BLK: variants seen among roughly 807,000 people sequenced by gnomAD.
BLK encodes the protein tyrosine-protein kinase Blk.
A neutral mutation model predicts 61.8 loss-of-function variants in BLK; 64 were observed. That is an observed-to-expected ratio of 1.03 (90% confidence interval 0.85 to 1.27). The LOEUF (loss-of-function observed/expected upper bound fraction) is 1.27, where lower values mean the gene tolerates loss of function less well. BLK is among the 50% of genes most tolerant of loss of function. The pLI is 0.00. For synonymous variants in BLK, 351 were observed against 272.0 expected (o/e 1.29, Z -2.86); for missense variants, 853 against 660.5 (o/e 1.29, Z -3.19).
chr8:11,501,876 T>A (rs140655088), intron 1 of BLK, among the ~76,000 whole-genome samples: 3 of 152,344 alleles, frequency 2.0e-5, no homozygotes, highest in Non-Finnish European at 4.4e-5. Context: ...GGGTAGTAGT[T>A]TTTCAATATT....
chr8:11,545,914 G>T, intron 2 of BLK, 138 bp from the exon 3 acceptor site: 1 of 890,982 alleles, frequency 1.1e-6, no homozygotes. Flanking sequence ...TCCCTGAGCA[G>T]CCCCCACAGG....
At chr8:11,535,895 A>G (rs1800114585) in intron 1 of BLK, among the ~76,000 whole-genome samples, 1 of 152,194 alleles carries the variant, frequency 6.6e-6, no homozygotes, top group Admixed American at 6.5e-5. Flanking sequence ...AGGACGCAAA[A>G]TCCAAAATGG....
intron 1 of BLK, among the ~76,000 whole-genome samples, chr8:11,516,889 G>C (rs951030580): frequency 2.0e-5 from 3 of 152,194 alleles, no homozygotes; most frequent in Non-Finnish European, 1.5e-5. Context: ...GGACACAAGT[G>C]TACAAATACC....
intron 12 of BLK, 64 bp from the exon 13 acceptor site, chr8:11,563,839 C>A: frequency 6.7e-7 from 1 of 1,493,294 alleles, no homozygotes. Context: ...GCGGGACGCT[C>A]AGGGCCCCCC....
intron 6 of BLK, among the ~76,000 whole-genome samples, chr8:11,551,427 T>C (rs1800898223): frequency 6.6e-6 from 1 of 152,192 alleles, no homozygotes; most frequent in African/African-American, 2.4e-5. Flanking sequence ...CACCTGTCAA[T>C]TTGGATTAGG....
chr8:11,534,495 T>A (rs74491406), intron 1 of BLK, among the ~76,000 whole-genome samples: 1,627 of 152,300 alleles, frequency 0.011, 24 homozygotes, highest in African/African-American at 0.037. Flanking sequence ...GAATCAAATG[T>A]AGGTGACTCG....
At chr8:11,534,583 C>T (rs149963231) in intron 1 of BLK, among the ~76,000 whole-genome samples, 1 of 152,224 alleles carries the variant, frequency 6.6e-6, no homozygotes, top group Non-Finnish European at 1.5e-5. Context: ...GTCTGCTCAG[C>T]ACCCTCAAAC....
intron 1 of BLK, among the ~76,000 whole-genome samples, chr8:11,523,599 A>T (rs1799538733): frequency 6.6e-6 from 1 of 152,212 alleles, no homozygotes; most frequent in South Asian, 2.1e-4. Context: ...AACCTAAATT[A>T]AGAAAAATAT....
chr8:11,556,926 C>G (rs1007707975), intron 9 of BLK, 89 bp downstream of exon 9: 6 of 1,451,500 alleles, frequency 4.1e-6, no homozygotes, highest in Admixed American at 2.0e-5. Flanking sequence ...GTGGGTTCAC[C>G]AGGCCAGGGG....
chr8:11,539,896 C>T lies in BLK; in HGVS notation c.-1-3328C>T, dbSNP rs144530901. Among the ~76,000 whole-genome samples, 803 of 152,264 alleles carry T rather than the reference C, an allele frequency of 5.3e-3. 3 individuals carry two copies. Among genetic ancestry groups the T allele is most frequent in the African/African-American group, 0.018 (757 of 41,572 alleles). On this transcript the variant is annotated intron_variant, in intron 1 of 12. Transcript: ENST00000259089. Reference sequence around the variant, plus strand: ...ATTTTTCTATTGAATGAATTATATGCTGCAATATACTTCCTGTCAAAAGTT... The same window carrying T: ...ATTTTTCTATTGAATGAATTATATGTTGCAATATACTTCCTGTCAAAAGTT...
intron 10 of BLK, chr8:11,559,796 T>A (rs1801405874): frequency 2.2e-6 from 1 of 456,224 alleles, no homozygotes; most frequent in Non-Finnish European, 4.4e-6. Context: ...GGCAGAATCC[T>A]TATCATCATC....
chr8:11,558,439 T>G, intron 10 of BLK: 1 of 360,062 alleles, frequency 2.8e-6, no homozygotes, highest in Non-Finnish European at 5.5e-6. Flanking sequence ...CCCACAAACA[T>G]CTCCTGTAGG....
At chr8:11,552,545 G>A (rs1178483830) in intron 6 of BLK, 1 of 152,144 alleles carries the variant, frequency 6.6e-6, no homozygotes, top group South Asian at 2.1e-4. Context: ...CACAGAAGTA[G>A]AGAAAATAGT....
intron 1 of BLK, among the ~76,000 whole-genome samples, chr8:11,523,169 G>A (rs1392005137): frequency 1.3e-5 from 2 of 152,024 alleles, no homozygotes; most frequent in African/African-American, 4.8e-5. Context: ...GAACGACACA[G>A]GAAAGATTAA....
intron 1 of BLK, among the ~76,000 whole-genome samples, chr8:11,522,023 T>C (rs1482949758): frequency 6.6e-6 from 1 of 152,234 alleles, no homozygotes; most frequent in Non-Finnish European, 1.5e-5. Flanking sequence ...AGAATATGCC[T>C]CTTAATGATG....
chr8:11,556,559 T>C (rs1801233762), intron 8 of BLK, 99 bp from the exon 9 acceptor site: 2 of 1,421,976 alleles, frequency 1.4e-6, no homozygotes, highest in Middle Eastern at 1.8e-4. Flanking sequence ...GCACCTGGAA[T>C]GGGGTGGCAC....
At chr8:11,543,805 A>G (rs914256911) in intron 2 of BLK, among the ~76,000 whole-genome samples, 3 of 152,140 alleles carry the variant, frequency 2.0e-5, no homozygotes, top group African/African-American at 4.8e-5. Flanking sequence ...CTGGAATCCC[A>G]TGGGCATTTT....
chr8:11,499,389 G>A (rs184573582), intron 1 of BLK, among the ~76,000 whole-genome samples: 4 of 152,322 alleles, frequency 2.6e-5, no homozygotes, highest in African/African-American at 7.2e-5. Context: ...GAAGCAATAC[G>A]TAACTATATT....
chr8:11,562,882 C>A, intron 11 of BLK, 97 bp from the exon 12 acceptor site: 1 of 1,567,058 alleles, frequency 6.4e-7, no homozygotes, highest in South Asian at 1.1e-5. Context: ...GCAGTGGGGG[C>A]TTGATGGAAG....
Sources: gnomAD v4.1 joint callset for allele counts (sites outside exome capture counted in the v4.1 genomes callset) on GRCh38, gnomAD v4.1.1 for gene constraint, MANE v1.5 for transcripts, NCBI Gene and HGNC (gene_info 2026-07-23, HGNC 2026-07-21) for gene names.